GRAP2: variants seen among roughly 807,000 people sequenced by gnomAD.
The protein encoded by GRAP2 is GRB2-related adapter protein 2.
Under a neutral mutation model 43.5 loss-of-function variants are expected in GRAP2, and 31 were observed. That is an observed-to-expected ratio of 0.71 (90% CI 0.54 to 0.96). GRAP2 has a LOEUF of 0.96. Among genes scored for constraint, GRAP2 ranks in the 40% least tolerant of loss-of-function variants. The pLI, the probability that GRAP2 is intolerant of heterozygous loss-of-function variation, is 0.00. For missense variants in GRAP2, 371 were observed against 424.4 expected (o/e 0.87, Z 1.11); for synonymous variants, 156 against 164.8 (o/e 0.95, Z 0.41).
intron 1 of GRAP2, among the ~76,000 whole-genome samples, chr22:39,931,609 A>G (rs780679870): frequency 3.9e-5 from 6 of 152,226 alleles, no homozygotes; most frequent in Non-Finnish European, 7.3e-5. Flanking sequence ...GGTGCCCAGG[A>G]AATTTTTTGC....
At chr22:39,925,397 G>C (rs2066688525) in intron 1 of GRAP2, among the ~76,000 whole-genome samples, 1 of 152,134 alleles carries the variant, frequency 6.6e-6, no homozygotes, top group Admixed American at 6.5e-5. Context: ...TTGTGATCCT[G>C]TGTGCTGCTT....
the GRAP2 span, among the ~76,000 whole-genome samples, chr22:39,895,278 A>G: frequency 6.6e-6 from 1 of 152,236 alleles, no homozygotes; most frequent in Non-Finnish European, 1.5e-5. Flanking sequence ...ATTTGTTTCT[A>G]TCTCCTACTA....
intron 4 of GRAP2, chr22:39,964,161 C>G (rs2067146806): frequency 2.0e-6 from 1 of 500,362 alleles, no homozygotes; most frequent in Non-Finnish European, 3.5e-6. Flanking sequence ...GAAAAATAAA[C>G]TTTACATCCA....
intron 4 of GRAP2, chr22:39,964,250 C>G (rs2067147538): frequency 1.7e-6 from 1 of 602,240 alleles, no homozygotes; most frequent in African/African-American, 1.9e-5. Context: ...TGGATAAAAT[C>G]CATTTTCTCT....
chr22:39,969,390 T>A (rs1451182948), intron 6 of GRAP2, 21 bp from the exon 7 acceptor site: 1 of 1,613,054 alleles, frequency 6.2e-7, no homozygotes, highest in Admixed American at 1.7e-5. Flanking sequence ...GGGTGACCAG[T>A]CTTCTGTTGT....
chr22:39,902,221 G>A (rs2066497841), intron 1 of GRAP2, among the ~76,000 whole-genome samples: 1 of 152,190 alleles, frequency 6.6e-6, no homozygotes. Flanking sequence ...TGTTATCTGA[G>A]GATGGGAAAC....
intron 2 of GRAP2, among the ~76,000 whole-genome samples, chr22:39,953,294 A>G (rs1407678157): frequency 1.3e-5 from 2 of 152,132 alleles, no homozygotes; most frequent in Non-Finnish European, 2.9e-5. Flanking sequence ...TCTGAAGCCC[A>G]TGAGCCCTTT....
intron 1 of GRAP2, among the ~76,000 whole-genome samples, chr22:39,907,082 G>A (rs926174988): frequency 6.6e-6 from 1 of 152,124 alleles, no homozygotes; most frequent in African/African-American, 2.4e-5. Flanking sequence ...AAATCGGTAA[G>A]AATAACAGGA....
chr22:39,935,189 T>TC (rs1280495624), intron 1 of GRAP2, among the ~76,000 whole-genome samples: 1 of 152,242 alleles, frequency 6.6e-6, no homozygotes. Flanking sequence ...TTTCTTTTGT[T>TC]CGTTCATTCT....
intron 7 of GRAP2, among the ~76,000 whole-genome samples, chr22:39,970,448 C>G (rs144466038): frequency 6.6e-6 from 1 of 152,222 alleles, no homozygotes; most frequent in African/African-American, 2.4e-5. Context: ...GCATGTTGCC[C>G]TTCTGTTTGT....
chr22:39,897,409 A>G (rs988172848), upstream of GRAP2, among the ~76,000 whole-genome samples: 2 of 152,140 alleles, frequency 1.3e-5, no homozygotes, highest in Non-Finnish European at 2.9e-5. Context: ...CTATGTTTCT[A>G]GACTTTATGA....
intron 1 of GRAP2, among the ~76,000 whole-genome samples, chr22:39,938,309 A>G (rs1443719420): frequency 6.6e-6 from 1 of 152,240 alleles, no homozygotes; most frequent in Non-Finnish European, 1.5e-5. Flanking sequence ...CAGAACAGCA[A>G]TTTGATTAAA....
intron 1 of GRAP2, among the ~76,000 whole-genome samples, chr22:39,938,922 C>A (rs928350922): frequency 6.6e-6 from 1 of 152,126 alleles, no homozygotes; most frequent in Non-Finnish European, 1.5e-5. Flanking sequence ...AATTCTCGGA[C>A]AAGCTGCAGA....
Position 39,903,874 on chromosome 22 carries a change from G to T in GRAP2, c.-15+2544G>T, listed in dbSNP as rs138398720. Among the ~76,000 whole-genome samples, 790 of 152,148 alleles carry T rather than the reference G, an allele frequency of 5.2e-3. 10 individuals carry two copies. The highest frequency in any genetic ancestry group is 0.018 in the African/African-American group (739 of 41,500). On this transcript the variant is annotated intron_variant, in intron 1 of 7. Transcript: ENST00000344138. The stretch of plus-strand genomic sequence containing the variant: ...TTATCGATCAATTACTATATGCCAG[G>T]CCTGGCACTAGGCACCAAGTCCTCT...
chr22:39,910,009 T>G (rs1035613113), intron 1 of GRAP2, among the ~76,000 whole-genome samples: 3 of 152,266 alleles, frequency 2.0e-5, no homozygotes, highest in African/African-American at 7.2e-5. Context: ...TTTTCCCAGA[T>G]AGCCTGCTCT....
intron 1 of GRAP2, among the ~76,000 whole-genome samples, chr22:39,905,671 G>T (rs1380432601): frequency 1.3e-5 from 2 of 152,172 alleles, no homozygotes; most frequent in Non-Finnish European, 2.9e-5. Context: ...TTCTAATGGT[G>T]CAATGAAGAA....
At position 39,971,397 on chromosome 22, in the gene GRAP2, T is replaced by C. The variant is rs1027854493; in HGVS notation, c.*313T>C. The C allele has an allele frequency of 3.0e-6, 1 of 332,566 alleles. No homozygotes were observed. The highest frequency in any genetic ancestry group is 5.3e-5 in the Admixed American group (1 of 18,766). 20.6% of individuals were successfully genotyped at this position (332,566 alleles called of 1,614,324 possible). Reference sequence around the variant, plus strand: ...TGTCCTGGCCTTCAGCTGTCACTGCTTCCTCCTTGTCTTGGGAATTTTCAC... The same window carrying C: ...TGTCCTGGCCTTCAGCTGTCACTGCCTCCTCCTTGTCTTGGGAATTTTCAC... On this transcript the variant is annotated 3_prime_UTR_variant, in exon 8 of 8. Transcript: ENST00000344138.
chr22:39,953,394 C>G (rs994492266), intron 2 of GRAP2, among the ~76,000 whole-genome samples: 1 of 152,206 alleles, frequency 6.6e-6, no homozygotes, highest in Non-Finnish European at 1.5e-5. Context: ...AGTGGCATCC[C>G]AGAGTCCTCC....
At chr22:39,902,870 A>T (rs1051916090) in intron 1 of GRAP2, among the ~76,000 whole-genome samples, 1 of 152,236 alleles carries the variant, frequency 6.6e-6, no homozygotes, top group Non-Finnish European at 1.5e-5. Flanking sequence ...TAAAAATGCA[A>T]GGCGATATCA....
Sources: gnomAD v4.1 joint callset for allele counts (sites outside exome capture counted in the v4.1 genomes callset) on GRCh38, gnomAD v4.1.1 for gene constraint, MANE v1.5 for transcripts, NCBI Gene and HGNC (gene_info 2026-07-23, HGNC 2026-07-21) for gene names.